RALGAPA1: variants seen among roughly 807,000 people sequenced by gnomAD.
RALGAPA1 encodes the protein Ral GTPase activating protein catalytic subunit alpha 1.
RALGAPA1 carries 52 observed loss-of-function variants against 269.6 expected under a neutral mutation model. That is an observed-to-expected ratio of 0.19 (90% confidence interval 0.15 to 0.24). RALGAPA1 has a LOEUF of 0.24. Among genes scored for constraint, RALGAPA1 ranks in the 10% least tolerant of loss-of-function variants. The pLI, the probability that RALGAPA1 is intolerant of heterozygous loss-of-function variation, is 1.00. For missense variants in RALGAPA1, 1,917 were observed against 3,013.9 expected, an observed-to-expected ratio of 0.64 and a Z score of 8.52; for synonymous variants, 817 against 1,008.3, an observed-to-expected ratio of 0.81 and a Z score of 3.60.
At chr14:35,735,078 T>C (rs2070856511) in intron 12 of RALGAPA1, among the ~76,000 whole-genome samples, 1 of 151,106 alleles carries the variant, frequency 6.6e-6, no homozygotes, top group Admixed American at 6.6e-5. Context: ...CTGGCATGGA[T>C]GTGGTCATCA....
intron 39 of RALGAPA1, among the ~76,000 whole-genome samples, chr14:35,566,544 A>G (rs1010239147): frequency 1.2e-4 from 19 of 152,080 alleles, no homozygotes. Context: ...TAAAGGATTA[A>G]CTGGTGGTTT....
chr14:35,640,477 C>T (rs950587908), intron 31 of RALGAPA1, among the ~76,000 whole-genome samples: 1 of 152,006 alleles, frequency 6.6e-6, no homozygotes, highest in African/African-American at 2.4e-5. Flanking sequence ...TGCCAATAAA[C>T]TGGAAAACCT....
intron 12 of RALGAPA1, 30 bp from the exon 13 acceptor site, chr14:35,728,540 C>A: frequency 6.5e-7 from 1 of 1,549,306 alleles, no homozygotes; most frequent in Non-Finnish European, 8.7e-7. Context: ...TAGCTATTCA[C>A]AAAGGAATTT....
chr14:35,605,027 C>A (rs964677171), intron 36 of RALGAPA1, among the ~76,000 whole-genome samples: 2 of 152,112 alleles, frequency 1.3e-5, no homozygotes, highest in Non-Finnish European at 2.9e-5. Flanking sequence ...TTCAATATTT[C>A]TTGCTTTGCT....
At chr14:35,793,269 C>A (rs1363642002) in intron 1 of RALGAPA1, among the ~76,000 whole-genome samples, 1 of 149,202 alleles carries the variant, frequency 6.7e-6, no homozygotes, top group African/African-American at 2.5e-5. Context: ...CGGAATTTCA[C>A]TCTTGTTGTC....
At position 35,750,593 on chromosome 14, in the gene RALGAPA1, C is replaced by G; in HGVS notation, c.900G>C (p.Lys300Asn). The change falls in exon 9 of 42, where the codon AAG becomes AAC. Residue 300 changes from lysine (K) to asparagine (N), a missense_variant. By Grantham distance (94) the Lys-to-Asn change is moderately conservative. Coordinates refer to ENST00000680220, the MANE Select transcript of RALGAPA1 (RefSeq NM_001346249.2). ...GCCAACGAATGACAATAACACGAGC[C>G]TTAATGAAAGGCTCCTTTGTACAAT... is the stretch of plus-strand genomic sequence containing the variant. ...AIYCTKEPFI[K>N]ARVIVIRWLV... The G allele has an allele frequency of 6.2e-7, 1 of 1,613,220 alleles. No homozygotes were observed. Among genetic ancestry groups the G allele is most frequent in the Non-Finnish European group, 8.5e-7 (1 of 1,179,412 alleles).
At chr14:35,590,149 ATTGATGTCTTATC>A (rs2058551115) in intron 37 of RALGAPA1, among the ~76,000 whole-genome samples, 1 of 152,200 alleles carries the variant, frequency 6.6e-6, no homozygotes, top group Non-Finnish European at 1.5e-5. Context: ...TATTATCAGT[ATTGATGTCTTATC>A]TTGTACTTCT....
intron 20 of RALGAPA1, 121 bp downstream of exon 20, chr14:35,684,808 C>T (rs147882308): frequency 2.7e-5 from 26 of 978,600 alleles, no homozygotes; most frequent in Non-Finnish European, 3.1e-5. Flanking sequence ...TTTTTTCTAA[C>T]GTGGGAGCCA....
chr14:35,602,681 C>T (rs1754742900), intron 36 of RALGAPA1, among the ~76,000 whole-genome samples: 1 of 152,022 alleles, frequency 6.6e-6, no homozygotes. Context: ...ATTTGTACAA[C>T]TAGTTTGTAT....
chr14:35,584,371 C>T (rs4982293), intron 37 of RALGAPA1, among the ~76,000 whole-genome samples: 1 of 152,030 alleles, frequency 6.6e-6, no homozygotes, highest in Admixed American at 6.5e-5. Flanking sequence ...CTCAGGTGAT[C>T]CTCTCACCTC....
chr14:35,680,266 G>T (rs57327713), intron 21 of RALGAPA1, among the ~76,000 whole-genome samples: 1 of 152,034 alleles, frequency 6.6e-6, no homozygotes, highest in Non-Finnish European at 1.5e-5. Flanking sequence ...GGAATGCAGC[G>T]GCATGATCGT....
chr14:35,724,944 TA>T, intron 14 of RALGAPA1, 79 bp downstream of exon 14: 2 of 1,188,824 alleles, frequency 1.7e-6, no homozygotes, highest in African/African-American at 1.6e-5. Flanking sequence ...CAATGAATTT[TA>T]AAAAACAAAC....
rs544505696 is a variant in RALGAPA1, at chr14:35,750,732, A to G, written c.803-42T>C. On this transcript the variant is annotated intron_variant, in intron 8 of 41. Transcript: ENST00000680220. ...GAAGATGAAAACCAAAATAAGAAAG[A>G]AATTATGTTTAGAAAAAACCTACAT... 10 of 1,491,602 alleles carry G rather than the reference A, an allele frequency of 6.7e-6. No individual in the cohort carries two copies. In the African/African-American group the frequency reaches 9.9e-5, roughly 15 times the overall value. The allele number at this position is 1,491,602 out of a possible 1,614,324, so 92.4% of individuals were successfully genotyped here. A position where few individuals can be genotyped will look rare whatever the true frequency, so the allele number is the denominator to read the frequency against.
chr14:35,559,352 C>T lies in RALGAPA1; in HGVS notation c.7497-10118G>A, dbSNP rs1232909923. On this transcript the variant is annotated intron_variant, in intron 39 of 41. Coordinates refer to ENST00000680220, the MANE Select transcript of RALGAPA1 (RefSeq NM_001346249.2). ...CTTTCTTCTTTGCTCTTTGAAATCC[C>T]GAAATAGCATCTGAATCTACAGTTG... Among the ~76,000 whole-genome samples, 9 of 152,044 alleles carry T rather than the reference C, an allele frequency of 5.9e-5. No individual in the cohort carries two copies. In the South Asian group the frequency reaches 8.3e-4, roughly 14 times the overall value.
intron 1 of RALGAPA1, among the ~76,000 whole-genome samples, chr14:35,788,906 A>G (rs1040634285): frequency 1.3e-5 from 2 of 152,166 alleles, no homozygotes; most frequent in African/African-American, 2.4e-5. Flanking sequence ...CAAAACAGCA[A>G]TTTTGCTCCC....
intron 27 of RALGAPA1, among the ~76,000 whole-genome samples, chr14:35,663,247 G>A: frequency 6.6e-6 from 1 of 151,948 alleles, no homozygotes; most frequent in Admixed American, 6.6e-5. Flanking sequence ...AGGGTACGAT[G>A]ATATAGCAAA....
At position 35,766,521 on chromosome 14, in the gene RALGAPA1, T is replaced by C. The variant is rs2074163255; in HGVS notation, c.326-3768A>G. 4 of 1,155,232 alleles carry C rather than the reference T, an allele frequency of 3.5e-6. No homozygotes were observed. The African/African-American group carries it at 4.6e-5, about 13-fold the overall frequency. 71.6% of individuals were successfully genotyped at this position (1,155,232 alleles called of 1,614,324 possible). On this transcript the variant is annotated intron_variant, in intron 4 of 41. Coordinates refer to ENST00000680220, the MANE Select transcript of RALGAPA1 (RefSeq NM_001346249.2). ...TTATTCAATTGTCTGCTACCATCTA[T>C]TGTGCACATCAGAAGCAGCATCGAG...
chr14:35,727,440 A>G (rs192954837), intron 13 of RALGAPA1, among the ~76,000 whole-genome samples: 3 of 150,016 alleles, frequency 2.0e-5, no homozygotes, highest in African/African-American at 7.3e-5. Context: ...TGAACCTTTG[A>G]GCTTTTTTCT....
intron 35 of RALGAPA1, among the ~76,000 whole-genome samples, chr14:35,611,429 G>A (rs1301634742): frequency 2.0e-5 from 3 of 152,006 alleles, no homozygotes; most frequent in Non-Finnish European, 4.4e-5. Flanking sequence ...TTGAACCTGG[G>A]AGGTGGAGGA....
Sources: allele counts gnomAD v4.1 joint callset (sites outside exome capture counted in the v4.1 genomes callset), GRCh38; gene constraint gnomAD v4.1.1; transcripts MANE v1.5; gene names NCBI Gene and HGNC (gene_info 2026-07-23, HGNC 2026-07-21).